Variants in WBP11 observed in about 807,000 individuals in gnomAD.
The protein encoded by WBP11 is WW domain-binding protein 11.
A neutral mutation model predicts 66.7 loss-of-function variants in WBP11; 12 were observed. The observed-to-expected ratio is 0.18, with a 90% CI of 0.12 to 0.29. The LOEUF (loss-of-function observed/expected upper bound fraction) is 0.29, where lower values mean the gene tolerates loss of function less well. Among genes scored for constraint, WBP11 ranks in the 10% least tolerant of loss-of-function variants. The pLI is 1.00. For missense variants in WBP11, 555 were observed against 818.3 expected, an observed-to-expected ratio of 0.68 and a Z score of 3.93; for synonymous variants, 255 against 273.8, an observed-to-expected ratio of 0.93 and a Z score of 0.68.
At chr12:14,803,285 C>G (rs1949994138) in intron 1 of WBP11, 67 bp downstream of exon 1, 1 of 396,374 alleles carries the variant, frequency 2.5e-6, no homozygotes, top group African/African-American at 2.1e-5. Context: ...TCCCCCAAGC[C>G]GCTGCGCGGG....
chr12:14,789,097 C>T lies in WBP11; in HGVS notation c.1346G>A (p.Gly449Glu). ...AAGTCGGGGTAAGGGCCCTCGGAGTCCTGGCATTCCAGGTGGTCTCAGGAA... is the reference window on the plus strand; with the variant it reads ...AAGTCGGGGTAAGGGCCCTCGGAGTTCTGGCATTCCAGGTGGTCTCAGGAA... ...PPFLRPPGMP[G>E]LRGPLPRLLP... Residue 449 changes from glycine to glutamate, a missense_variant, in exon 11 of 12, where the codon GGA becomes GAA. Physicochemically the swap from Gly to Glu is moderately conservative, Grantham distance 98. Transcript: ENST00000261167. The T allele has an allele frequency of 6.6e-7, 1 of 1,525,612 alleles. No individual in the cohort carries two copies. The allele number at this position is 1,525,612 out of a possible 1,614,324, so 94.5% of individuals were successfully genotyped here.
At chr12:14,795,880 C>A (rs753717210) in intron 5 of WBP11, among the ~76,000 whole-genome samples, 3 of 152,110 alleles carry the variant, frequency 2.0e-5, no homozygotes, top group Non-Finnish European at 4.4e-5. Flanking sequence ...TAACCTGTGC[C>A]TTCATCTGTA....
intron 3 of WBP11, among the ~76,000 whole-genome samples, chr12:14,799,932 T>A (rs1415285260): frequency 6.6e-6 from 1 of 152,222 alleles, no homozygotes; most frequent in East Asian, 1.9e-4. Context: ...TGTGCTTTCT[T>A]AGTAAAGTAT....
intron 2 of WBP11, 180 bp downstream of exon 2, chr12:14,801,140 T>C (rs1949957502): frequency 7.8e-6 from 4 of 514,924 alleles, no homozygotes; most frequent in Non-Finnish European, 1.3e-5. Flanking sequence ...AAAAATAAAA[T>C]ACGGGTACTA....
chr12:14,793,998 A>T, intron 7 of WBP11, 76 bp from the exon 8 acceptor site: 1 of 1,063,782 alleles, frequency 9.4e-7, no homozygotes, highest in Non-Finnish European at 1.3e-6. Flanking sequence ...AATACAGAAA[A>T]TTATGCTATT....
chr12:14,794,014 C>A (rs1949857152), intron 7 of WBP11, 92 bp from the exon 8 acceptor site: 7 of 701,976 alleles, frequency 1.0e-5, no homozygotes, highest in African/African-American at 2.3e-5. Context: ...CTATTCAACT[C>A]AGACTGTAAC....
chr12:14,788,838 CACT>C (rs1275875820), intron 11 of WBP11, 110 bp downstream of exon 11: 4 of 576,344 alleles, frequency 6.9e-6, no homozygotes, highest in Non-Finnish European at 1.1e-5. Flanking sequence ...TAAAAACCAC[CACT>C]GACTGTAAGA....
chr12:14,798,402 T>C (rs1318562244), intron 4 of WBP11, among the ~76,000 whole-genome samples: 3 of 152,194 alleles, frequency 2.0e-5, no homozygotes, highest in East Asian at 1.9e-4. Flanking sequence ...CGTAGGTGTA[T>C]AGCAAGACAA....
At position 14,796,717 on chromosome 12, in the gene WBP11, A is replaced by G; in HGVS notation, c.387+90T>C. 1.6e-6 allele frequency: 2 copies of G among 1,272,784 alleles called. No homozygotes were observed. The highest frequency in any genetic ancestry group is 1.6e-5 in the South Asian group (1 of 62,532). The allele number at this position is 1,272,784 out of a possible 1,614,324, so 78.8% of individuals were successfully genotyped here. ...AAAAAAACCCAACAACCCTAAATCCAAAACACTTCTGGTCCCAAGCACTTT... is the reference window on the plus strand; with the variant it reads ...AAAAAAACCCAACAACCCTAAATCCGAAACACTTCTGGTCCCAAGCACTTT... On this transcript the variant is annotated intron_variant, in intron 5 of 11. Transcript: ENST00000261167. The surrounding 1 kb of genome is among the most constrained non-coding windows in gnomAD (Gnocchi z 4.5).
chr12:14,799,833 T>C, intron 3 of WBP11, 105 bp from the exon 4 acceptor site: 1 of 1,041,026 alleles, frequency 9.6e-7, no homozygotes, highest in Non-Finnish European at 1.3e-6. Flanking sequence ...TTCTGATCAC[T>C]TGTTTCAACC....
rs962846301 is a variant in WBP11 at position 14,786,311 on chromosome 12, C to T, written c.*754G>A. On this transcript the variant is annotated 3_prime_UTR_variant, in exon 12 of 12. Transcript: ENST00000261167. ...ATCTTAAAAAAGGGAAATAATTACT[C>T]CTTTTTATCCCTTAAAATTTAAAAT... The T allele has an allele frequency of 6.6e-6, 1 of 152,154 alleles. No homozygotes were observed. Among genetic ancestry groups the T allele is most frequent in the African/African-American group, 2.4e-5 (1 of 41,432 alleles). The allele number at this position is 152,154 out of a possible 1,614,324, so 9.4% of individuals were successfully genotyped here.
At chr12:14,793,265 C>T (rs1274171906) in intron 8 of WBP11, among the ~76,000 whole-genome samples, 1 of 152,166 alleles carries the variant, frequency 6.6e-6, no homozygotes, top group Non-Finnish European at 1.5e-5. Context: ...ATCAAACACA[C>T]ACATTATAGA....
At chr12:14,790,887 T>TA in intron 9 of WBP11, 138 bp from the exon 10 acceptor site, 1 of 866,704 alleles carries the variant, frequency 1.2e-6, no homozygotes, top group Non-Finnish European at 1.8e-6. Context: ...ATAAAATACT[T>TA]AGATGTGAAA....
At chr12:14,800,469 TTA>T (rs1378342737) in intron 3 of WBP11, among the ~76,000 whole-genome samples, 3 of 152,182 alleles carry the variant, frequency 2.0e-5, no homozygotes, top group South Asian at 4.1e-4. Flanking sequence ...TTTAAAACAG[TTA>T]TGTTTTAATG....
intron 4 of WBP11, among the ~76,000 whole-genome samples, chr12:14,798,848 G>A (rs1379530403): frequency 6.6e-6 from 1 of 152,098 alleles, no homozygotes; most frequent in Non-Finnish European, 1.5e-5. Flanking sequence ...AACTTGACAG[G>A]TGAAAAGCAC....
At chr12:14,802,297 G>A (rs1949974684) in intron 1 of WBP11, among the ~76,000 whole-genome samples, 1 of 152,032 alleles carries the variant, frequency 6.6e-6, no homozygotes, top group Non-Finnish European at 1.5e-5. Flanking sequence ...AGTAATAAAG[G>A]CGGACAAATT....
intron 10 of WBP11, among the ~76,000 whole-genome samples, chr12:14,790,172 GA>G: frequency 6.6e-6 from 1 of 152,152 alleles, no homozygotes; most frequent in Non-Finnish European, 1.5e-5. Flanking sequence ...CAATACTAAA[GA>G]AAACCTCCAT....
chr12:14,793,633 A>G (rs1949849948), intron 8 of WBP11, 98 bp downstream of exon 8: 2 of 1,405,978 alleles, frequency 1.4e-6, no homozygotes, highest in Non-Finnish European at 1.9e-6. Context: ...CGACTTCCAA[A>G]GATTTCAGAG....
At chr12:14,789,644 C>T (rs1317100581) in intron 10 of WBP11, among the ~76,000 whole-genome samples, 2 of 152,126 alleles carry the variant, frequency 1.3e-5, no homozygotes, top group Non-Finnish European at 2.9e-5. Flanking sequence ...TGGATCTTTT[C>T]ACTTTATTTC....
Sources: gnomAD v4.1 joint callset for allele counts (sites outside exome capture counted in the v4.1 genomes callset) on GRCh38, gnomAD v4.1.1 for gene constraint, Gnocchi (gnomAD v3.1) non-coding constraint, MANE v1.5 for transcripts, NCBI Gene and HGNC (gene_info 2026-07-23, HGNC 2026-07-21) for gene names.